STARD6: variants seen among roughly 807,000 people sequenced by gnomAD.
STARD6 encodes StAR related lipid transfer domain containing 6.
STARD6 carries 21 observed loss-of-function variants against 22.3 expected under a neutral mutation model. The ratio of observed to expected loss-of-function variants is 0.94; its 90% CI spans 0.67 to 1.35. The LOEUF (loss-of-function observed/expected upper bound fraction) is 1.35. Ranked by LOEUF, STARD6 falls within the 40% of genes most tolerant of loss-of-function variation. STARD6 has a pLI of 0.00. For synonymous variants in STARD6, 80 were observed against 88.1 expected, an observed-to-expected ratio of 0.91 and a Z score of 0.52; for missense variants, 269 against 266.9, an observed-to-expected ratio of 1.01 and a Z score of -0.05.
At position 54,331,762 on chromosome 18, in the gene STARD6, C is replaced by A; in HGVS notation, c.365G>T (p.Gly122Val). Residue 122 changes from glycine to valine, a missense_variant, in exon 6 of 8, where the codon GGA becomes GTA. Physicochemically the swap from Gly to Val is moderately radical, Grantham distance 109. Coordinates refer to ENST00000307844, the MANE Select transcript of STARD6 (RefSeq NM_139171.2). ...CTTACAACTGATAATGTTCATATTT[C>A]CTTCGTAGCGCTTGATGTACACTAA... is the stretch of plus-strand genomic sequence containing the variant. ...IDLVYIKRYE[G>V]NMNIISSKSV... The A allele has an allele frequency of 6.2e-7, 1 of 1,609,812 alleles. No homozygotes were observed.
intron 4 of STARD6, among the ~76,000 whole-genome samples, chr18:54,345,883 AG>A (rs2089029056): frequency 6.6e-6 from 1 of 152,170 alleles, no homozygotes; most frequent in Admixed American, 6.5e-5. Flanking sequence ...TTACATGCAA[AG>A]ATTGAATTGG....
chr18:54,325,724 T>A (rs1266897795), intron 7 of STARD6, among the ~76,000 whole-genome samples: 3 of 152,088 alleles, frequency 2.0e-5, no homozygotes, highest in African/African-American at 7.2e-5. Context: ...GATTTTAAAA[T>A]TTTTTTAAAG....
In STARD6 at chr18:54,337,150, T is replaced by C. The variant is rs751376837; in HGVS notation, c.242A>G (p.Tyr81Cys). The change falls in exon 5 of 8, where the codon TAT becomes TGT. Residue 81 changes from tyrosine to cysteine, a missense_variant. Physicochemically the swap from Tyr to Cys is radical, Grantham distance 194. Transcript: ENST00000307844. ...RITWDKSLQV[Y>C]NMVHRIDSDT... is the part of the protein sequence containing the mutation. ...CGAATCAATCCTGTGTACCATATTA[T>C]ACACTTGCAATGATTTATCCCATGT... 54 of 1,613,110 alleles carry C rather than the reference T, an allele frequency of 3.3e-5. No homozygotes were observed. The highest frequency in any genetic ancestry group is 4.5e-5 in the Non-Finnish European group (53 of 1,179,536).
intron 5 of STARD6, among the ~76,000 whole-genome samples, chr18:54,332,071 A>C (rs114092139): frequency 6.6e-6 from 1 of 152,140 alleles, no homozygotes; most frequent in African/African-American, 2.4e-5. Flanking sequence ...AGCAATCTTG[A>C]TATCATCTAC....
intron 4 of STARD6, among the ~76,000 whole-genome samples, chr18:54,341,616 T>C (rs903289789): frequency 6.6e-6 from 1 of 152,188 alleles, no homozygotes; most frequent in Non-Finnish European, 1.5e-5. Context: ...CAACAGAAAT[T>C]TGGGAAATTC....
At chr18:54,338,448 G>T (rs189014165) in intron 4 of STARD6, among the ~76,000 whole-genome samples, 1 of 151,994 alleles carries the variant, frequency 6.6e-6, no homozygotes, top group African/African-American at 2.4e-5. Context: ...AAAGATAACC[G>T]CAAGTAAAAA....
intron 6 of STARD6, among the ~76,000 whole-genome samples, chr18:54,331,484 A>C (rs2088864228): frequency 6.6e-6 from 1 of 152,156 alleles, no homozygotes; most frequent in South Asian, 2.1e-4. Context: ...TTAGGCTACA[A>C]GTATCTATCT....
chr18:54,354,284 A>G, intron 3 of STARD6, 181 bp from the exon 4 acceptor site: 2 of 631,550 alleles, frequency 3.2e-6, no homozygotes, highest in East Asian at 5.5e-5. Context: ...CTGGCTATTC[A>G]CAGGCACAAT....
chr18:54,353,856 A>G, intron 4 of STARD6, 198 bp downstream of exon 4: 1 of 371,508 alleles, frequency 2.7e-6, no homozygotes, highest in Admixed American at 4.6e-5. Flanking sequence ...TCTGATTGTC[A>G]TCAGATTTGA....
chr18:54,338,213 G>T (rs985919338), intron 4 of STARD6, among the ~76,000 whole-genome samples: 2 of 152,144 alleles, frequency 1.3e-5, no homozygotes, highest in African/African-American at 4.8e-5. Context: ...TATACTCATA[G>T]CTGGGTCTGG....
At chr18:54,351,039 G>A (rs183965565) in intron 4 of STARD6, among the ~76,000 whole-genome samples, 3 of 152,216 alleles carry the variant, frequency 2.0e-5, no homozygotes, top group Admixed American at 6.5e-5. Flanking sequence ...GGAGTTTGAT[G>A]GGAATTGCAT....
At chr18:54,352,262 C>CT (rs2089105363) in intron 4 of STARD6, among the ~76,000 whole-genome samples, 1 of 151,738 alleles carries the variant, frequency 6.6e-6, no homozygotes, top group South Asian at 2.1e-4. Context: ...CCTGAATGAT[C>CT]TTTTTGTATT....
intron 4 of STARD6, 126 bp downstream of exon 4, chr18:54,353,928 G>C: frequency 1.9e-6 from 1 of 527,584 alleles, no homozygotes; most frequent in Non-Finnish European, 3.3e-6. Context: ...TCTGCCTAGT[G>C]ACTTAATAAT....
intron 4 of STARD6, among the ~76,000 whole-genome samples, chr18:54,347,247 C>T (rs1252567747): frequency 6.6e-6 from 1 of 151,904 alleles, no homozygotes; most frequent in Non-Finnish European, 1.5e-5. Context: ...AAACTGCAAA[C>T]CAAAATAAGA....
intron 5 of STARD6, among the ~76,000 whole-genome samples, chr18:54,333,773 AATG>A (rs1426579273): frequency 6.6e-6 from 1 of 152,190 alleles, no homozygotes; most frequent in Non-Finnish European, 1.5e-5. Context: ...GTTCTAAATA[AATG>A]ATAATATGAT....
intron 4 of STARD6, among the ~76,000 whole-genome samples, chr18:54,352,177 G>A (rs10084022): frequency 2.0e-5 from 3 of 151,230 alleles, no homozygotes; most frequent in Non-Finnish European, 2.9e-5. Context: ...ATCTAGGAGG[G>A]TTGTATTTTT....
At chr18:54,350,906 T>C (rs1173201017) in intron 4 of STARD6, among the ~76,000 whole-genome samples, 1 of 152,150 alleles carries the variant, frequency 6.6e-6, no homozygotes, top group African/African-American at 2.4e-5. Context: ...AGTTTGAAGT[T>C]GGGTAATGTG....
chr18:54,329,241 A>G, intron 7 of STARD6, 106 bp downstream of exon 7: 2 of 834,410 alleles, frequency 2.4e-6, no homozygotes, highest in Non-Finnish European at 1.8e-6. Context: ...TTCCCGCAAC[A>G]GAATATGCTG....
At chr18:54,340,786 C>T (rs1657879) in intron 4 of STARD6, among the ~76,000 whole-genome samples, 10,396 of 152,178 alleles carry the variant, frequency 0.068, 410 homozygotes, top group African/African-American at 0.091. Context: ...ATGTAAAAGG[C>T]TTGAAAAAGA....
Sources: allele counts gnomAD v4.1 joint callset (sites outside exome capture counted in the v4.1 genomes callset), GRCh38; gene constraint gnomAD v4.1.1; transcripts MANE v1.5; gene names NCBI Gene and HGNC (gene_info 2026-07-23, HGNC 2026-07-21).